PCDH15: variants seen among roughly 807,000 people sequenced by gnomAD.
The protein encoded by PCDH15 is protocadherin-15.
Under a neutral mutation model 178.5 loss-of-function variants are expected in PCDH15, and 129 were observed. That is an observed-to-expected ratio of 0.72 (90% confidence interval 0.63 to 0.84). The LOEUF (loss-of-function observed/expected upper bound fraction) is 0.84, where lower values mean the gene tolerates loss of function less well. Ranked by LOEUF, PCDH15 falls within the 40% of genes least tolerant of loss-of-function variation. The pLI is 0.00. For missense variants in PCDH15, 2,230 were observed against 2,099.9 expected, an observed-to-expected ratio of 1.06 and a Z score of -1.21; for synonymous variants, 800 against 732.0, an observed-to-expected ratio of 1.09 and a Z score of -1.50.
chr10:54,373,142 A>C (rs1167617575), intron 4 of PCDH15, among the ~76,000 whole-genome samples: 1 of 151,950 alleles, frequency 6.6e-6, no homozygotes, highest in East Asian at 1.9e-4. Flanking sequence ...ACAAATCTTC[A>C]ATCCAATATA....
intron 28 of PCDH15, among the ~76,000 whole-genome samples, chr10:53,842,876 A>G (rs1482166615): frequency 6.6e-6 from 1 of 152,180 alleles, no homozygotes; most frequent in Non-Finnish European, 1.5e-5. Flanking sequence ...CTAACAATTT[A>G]TGCCTTCTCC....
rs375507893 is a variant in PCDH15, at chr10:53,903,324, A to T, written c.3420T>A (p.His1140Gln). ...VYIEIQDENN[H>Q]PPVFQKKFYI... ...AGAATTTTTTCTGAAACACTGGGGGATGATTATTTTCATCCTGAATCTCAA... is the reference window on the plus strand; with the variant it reads ...AGAATTTTTTCTGAAACACTGGGGGTTGATTATTTTCATCCTGAATCTCAA... Residue 1140 changes from histidine (H) to glutamine (Q), a missense_variant, in exon 26 of 38, where the codon CAT (histidine) becomes CAA (glutamine). His to Gln is a conservative substitution (Grantham distance 24). Transcript: ENST00000644397. The T allele has an allele frequency of 6.2e-7, 1 of 1,613,044 alleles. No individual in the cohort carries two copies. The highest frequency in any genetic ancestry group is 8.5e-7 in the Non-Finnish European group (1 of 1,179,408).
At chr10:53,837,381 A>G (rs1392737526) in intron 29 of PCDH15, among the ~76,000 whole-genome samples, 3 of 152,170 alleles carry the variant, frequency 2.0e-5, no homozygotes, top group Admixed American at 6.5e-5. Flanking sequence ...AAATAAAAAA[A>G]TTAAAATACC....
At position 54,545,861 on chromosome 10, in the gene PCDH15, A is replaced by AACTT. The variant is rs567151847; in HGVS notation, c.92-17988_92-17985dup. On this transcript the variant is annotated intron_variant, in intron 2 of 37. Coordinates refer to ENST00000644397, the MANE Select transcript of PCDH15 (RefSeq NM_001384140.1). ...TTTTTGTGCACTATTGAGGCAGATA[A>AACTT]ACTTAAAACTGCACTTGCCAGACTC... is the stretch of plus-strand genomic sequence containing the variant. Among the ~76,000 whole-genome samples, 414 of 152,312 alleles carry AACTT rather than the reference A, an allele frequency of 2.7e-3. 1 individual carries two copies. Among genetic ancestry groups the AACTT allele is most frequent in the Admixed American group, 6.2e-3 (95 of 15,296 alleles).
intron 2 of PCDH15, among the ~76,000 whole-genome samples, chr10:55,071,314 G>C (rs1841740659): frequency 6.7e-6 from 1 of 148,760 alleles, no homozygotes; most frequent in African/African-American, 2.5e-5. Flanking sequence ...AAATTGGACA[G>C]AGTCAAGACC....
At chr10:55,446,264 G>A (rs1353426471) in intron 2 of PCDH15, among the ~76,000 whole-genome samples, 1 of 151,314 alleles carries the variant, frequency 6.6e-6, no homozygotes, top group Non-Finnish European at 1.5e-5. Flanking sequence ...AAAAAATCAT[G>A]TTTATGAGCA....
At chr10:55,487,120 AT>A (rs1464773080) in intron 2 of PCDH15, among the ~76,000 whole-genome samples, 2 of 151,660 alleles carry the variant, frequency 1.3e-5, no homozygotes, top group Admixed American at 6.6e-5. Flanking sequence ...TATTTATATG[AT>A]ATTTATAAGC....
At chr10:53,815,883 A>G (rs1368279107) in intron 35 of PCDH15, among the ~76,000 whole-genome samples, 2 of 152,180 alleles carry the variant, frequency 1.3e-5, no homozygotes, top group African/African-American at 4.8e-5. Flanking sequence ...TAAACTTTGC[A>G]TAATCTAAAT....
intron 1 of PCDH15, among the ~76,000 whole-genome samples, chr10:55,274,910 G>A (rs1842547327): frequency 6.6e-6 from 1 of 152,092 alleles, no homozygotes; most frequent in Non-Finnish European, 1.5e-5. Context: ...AGGAGCCAGA[G>A]CTCAGGCAGT....
At chr10:55,548,250 ACAC>A (rs1406528465) in intron 2 of PCDH15, among the ~76,000 whole-genome samples, 2 of 150,114 alleles carry the variant, frequency 1.3e-5, no homozygotes, top group African/African-American at 2.5e-5. Context: ...ACACACACAC[ACAC>A]AAACATGATC....
chr10:54,543,429 A>G (rs2085483305), intron 2 of PCDH15, among the ~76,000 whole-genome samples: 1 of 152,082 alleles, frequency 6.6e-6, no homozygotes, highest in African/African-American at 2.4e-5. Flanking sequence ...GCCCATTTGC[A>G]TGCTCCCCTA....
chr10:55,236,577 A>G (rs1355417019), intron 1 of PCDH15, among the ~76,000 whole-genome samples: 2 of 152,092 alleles, frequency 1.3e-5, no homozygotes, highest in Non-Finnish European at 1.5e-5. Flanking sequence ...ATCAAATAAA[A>G]TATCATAAAA....
At chr10:54,361,643 T>C (rs1040260549) in intron 5 of PCDH15, among the ~76,000 whole-genome samples, 1 of 152,050 alleles carries the variant, frequency 6.6e-6, no homozygotes, top group African/African-American at 2.4e-5. Flanking sequence ...AAACCTATGC[T>C]GTGTGACTCA....
At position 55,272,980 on chromosome 10, in the gene PCDH15, A is replaced by C. The variant is rs572318582; in HGVS notation, c.-156+46619T>G. 7.1e-4 allele frequency among the ~76,000 whole-genome samples: 108 copies of C among 152,104 alleles called. 2 individuals carry two copies. The South Asian group carries it at 0.021, about 30-fold the overall frequency. On this transcript the variant is annotated intron_variant, in intron 1 of 5. Coordinates refer to the PCDH15 transcript ENST00000458638. ...TGTGCTGTGTGTCTCTGTCTCCCCT[A>C]TGAGACTATGAAACTGTGAAAAACG...
chr10:54,448,536 GA>G (rs2136253416), intron 3 of PCDH15, among the ~76,000 whole-genome samples: 1 of 151,604 alleles, frequency 6.6e-6, no homozygotes, highest in Non-Finnish European at 1.5e-5. Flanking sequence ...ACATCATTAA[GA>G]AGAATCTAAT....
upstream of PCDH15, among the ~76,000 whole-genome samples, chr10:54,804,072 C>T (rs1831765102): frequency 6.6e-6 from 1 of 151,392 alleles, no homozygotes; most frequent in Non-Finnish European, 1.5e-5. Context: ...TGGAGTCTTG[C>T]TCTTTCGCCC....
chr10:55,039,164 G>A (rs929508667), intron 2 of PCDH15, among the ~76,000 whole-genome samples: 6 of 151,778 alleles, frequency 4.0e-5, no homozygotes, highest in African/African-American at 1.5e-4. Context: ...TTAGAAATTA[G>A]ATTGGAAAAA....
At chr10:53,896,544 T>G (rs2081964419) in intron 26 of PCDH15, among the ~76,000 whole-genome samples, 1 of 152,190 alleles carries the variant, frequency 6.6e-6, no homozygotes, top group African/African-American at 2.4e-5. Context: ...TCATCAGTCA[T>G]TTTTCATTAG....
At chr10:53,838,345 G>T (rs969560595) in intron 29 of PCDH15, among the ~76,000 whole-genome samples, 1 of 151,796 alleles carries the variant, frequency 6.6e-6, no homozygotes, top group Non-Finnish European at 1.5e-5. Context: ...TTATTTTATT[G>T]AATTTAGATG....
Sources: gnomAD v4.1 joint callset for allele counts (sites outside exome capture counted in the v4.1 genomes callset) on GRCh38, gnomAD v4.1.1 for gene constraint, MANE v1.5 for transcripts, NCBI Gene and HGNC (gene_info 2026-07-23, HGNC 2026-07-21) for gene names.